The following GARRE1 variants were observed in gnomAD, a reference collection of about 807,000 sequenced individuals.
The protein encoded by GARRE1 is granule associated Rac and RHOG effector 1.
GARRE1 carries 49 observed loss-of-function variants against 103.2 expected under a neutral mutation model. That is an observed-to-expected ratio of 0.47 (90% CI 0.38 to 0.60). The LOEUF is 0.60. Among genes scored for constraint, GARRE1 ranks in the 20% least tolerant of loss-of-function variants. The pLI is 0.00. For synonymous variants in GARRE1, 505 were observed against 532.8 expected, an observed-to-expected ratio of 0.95 and a Z score of 0.72; for missense variants, 1,199 against 1,370.5, an observed-to-expected ratio of 0.87 and a Z score of 1.98.
At chr19:34,299,183 C>T (rs2073963914) in intron 1 of GARRE1, among the ~76,000 whole-genome samples, 1 of 152,166 alleles carries the variant, frequency 6.6e-6, no homozygotes, top group African/African-American at 2.4e-5. Context: ...TTGCACTTGT[C>T]CAAACCTATC....
intron 7 of GARRE1, 63 bp from the exon 8 acceptor site, chr19:34,333,641 C>G (rs1454090154): frequency 5.2e-6 from 5 of 956,648 alleles, no homozygotes; most frequent in African/African-American, 1.7e-5. Flanking sequence ...GGATTTTATT[C>G]TGATTTGTTT....
chr19:34,327,960 C>T (rs1377588627), intron 5 of GARRE1, 30 bp from the exon 6 acceptor site: 4 of 1,614,022 alleles, frequency 2.5e-6, no homozygotes, highest in South Asian at 1.1e-5. Flanking sequence ...CGATGGGTCA[C>T]CTCTCCTCTT....
intron 2 of GARRE1, among the ~76,000 whole-genome samples, chr19:34,319,642 G>C (rs552734404): frequency 6.6e-6 from 1 of 152,068 alleles, no homozygotes; most frequent in Non-Finnish European, 1.5e-5. Context: ...AGGATTGGGG[G>C]TTACTTGGTG....
intron 1 of GARRE1, among the ~76,000 whole-genome samples, chr19:34,290,256 T>C (rs1166485905): frequency 6.6e-6 from 1 of 151,952 alleles, no homozygotes; most frequent in Non-Finnish European, 1.5e-5. Context: ...CTCAGGAGGC[T>C]GAGGTGGGAG....
intron 1 of GARRE1, among the ~76,000 whole-genome samples, chr19:34,275,931 G>T (rs2073814627): frequency 6.6e-6 from 1 of 152,168 alleles, no homozygotes; most frequent in Non-Finnish European, 1.5e-5. Context: ...TTGCGAAGAG[G>T]TATCTCATTG....
chr19:34,255,091 G>A (rs1314578966), intron 1 of GARRE1, among the ~76,000 whole-genome samples: 2 of 152,026 alleles, frequency 1.3e-5, no homozygotes, highest in African/African-American at 2.4e-5. Flanking sequence ...CGGGGCTGCC[G>A]GGCGGGCTGC....
intron 12 of GARRE1, among the ~76,000 whole-genome samples, chr19:34,350,278 G>T (rs995881212): frequency 6.6e-6 from 1 of 152,160 alleles, no homozygotes; most frequent in Non-Finnish European, 1.5e-5. Flanking sequence ...AGGATGACAC[G>T]CAAGTTTTCT....
At chr19:34,304,361 G>C (rs1346223669) in intron 2 of GARRE1, among the ~76,000 whole-genome samples, 2 of 150,596 alleles carry the variant, frequency 1.3e-5, no homozygotes, top group African/African-American at 4.9e-5. Flanking sequence ...CACCGTGCTC[G>C]GCCATCTTTG....
Position 34,328,166 on chromosome 19 carries a change from G to C in GARRE1, c.1104+15G>C, listed in dbSNP as rs1396310275. On this transcript the variant is annotated intron_variant, in intron 6 of 13. Transcript: ENST00000299505. ...AACTTAAGACGGTAGCTTTCCATGG[G>C]GTTCCAGCAAATGAGTGTGAACTTG... 20 of 1,611,802 alleles carry C rather than the reference G, an allele frequency of 1.2e-5. No individual in the cohort carries two copies. The highest frequency in any genetic ancestry group is 1.5e-5 in the Non-Finnish European group (18 of 1,179,238).
intron 3 of GARRE1, among the ~76,000 whole-genome samples, chr19:34,326,528 T>C (rs947007498): frequency 6.6e-6 from 1 of 152,230 alleles, no homozygotes; most frequent in African/African-American, 2.4e-5. Flanking sequence ...TTATCTACTC[T>C]TCATAAACAT....
chr19:34,283,584 G>A (rs1374484324), intron 1 of GARRE1, among the ~76,000 whole-genome samples: 2 of 152,104 alleles, frequency 1.3e-5, no homozygotes, highest in Admixed American at 6.6e-5. Context: ...TTTTATAGAT[G>A]ATGAGACAGG....
At chr19:34,298,192 G>A (rs2073957261) in intron 1 of GARRE1, among the ~76,000 whole-genome samples, 1 of 152,138 alleles carries the variant, frequency 6.6e-6, no homozygotes, top group South Asian at 2.1e-4. Flanking sequence ...GAGGCGGGAG[G>A]ATCACTTGAG....
Position 34,333,694 on chromosome 19 carries a change from T to C in GARRE1, c.1264-10T>C, listed in dbSNP as rs1555710344. The C allele has an allele frequency of 2.1e-6, 3 of 1,398,168 alleles. No individual in the cohort carries two copies. In the South Asian group the frequency reaches 3.8e-5, roughly 17 times the overall value. 86.6% of individuals were successfully genotyped at this position (1,398,168 alleles called of 1,614,324 possible). A position where few individuals can be genotyped will look rare whatever the true frequency, so the allele number is the denominator to read the frequency against. Reference sequence around the variant, plus strand: ...TGTTATTTGTTTTTTTTTTTTTTTTTCGATCTTAGGTGGTGGTTGACACAG... The same window carrying C: ...TGTTATTTGTTTTTTTTTTTTTTTTCCGATCTTAGGTGGTGGTTGACACAG... On this transcript the variant is annotated splice_polypyrimidine_tract_variant and intron_variant, in intron 7 of 13. Coordinates refer to ENST00000299505, the MANE Select transcript of GARRE1 (RefSeq NM_014686.5).
intron 1 of GARRE1, among the ~76,000 whole-genome samples, chr19:34,295,755 T>C (rs1213566350): frequency 1.3e-5 from 2 of 152,130 alleles, no homozygotes; most frequent in Non-Finnish European, 2.9e-5. Context: ...AGTCTCAAAT[T>C]CCTGGCCTCA....
intron 1 of GARRE1, among the ~76,000 whole-genome samples, chr19:34,299,061 G>A (rs1032885197): frequency 1.1e-4 from 17 of 152,124 alleles, no homozygotes; most frequent in African/African-American, 4.1e-4. Context: ...CCCTTCTCCA[G>A]GCTCTGTTTC....
chr19:34,267,677 G>A (rs1449695521), intron 1 of GARRE1, among the ~76,000 whole-genome samples: 2 of 150,648 alleles, frequency 1.3e-5, no homozygotes, highest in Non-Finnish European at 2.9e-5. Context: ...GTACCACACT[G>A]TAACAAAAAT....
chr19:34,317,493 T>A (rs2074065374), intron 2 of GARRE1, among the ~76,000 whole-genome samples: 1 of 152,094 alleles, frequency 6.6e-6, no homozygotes, highest in African/African-American at 2.4e-5. Context: ...ATAGTTTGTG[T>A]CCCTGAGGAG....
chr19:34,269,858 T>A (rs2073775965), intron 1 of GARRE1, among the ~76,000 whole-genome samples: 1 of 152,224 alleles, frequency 6.6e-6, no homozygotes, highest in South Asian at 2.1e-4. Context: ...TGAACATGCT[T>A]TAGTATTAAT....
chr19:34,259,098 G>T (rs2073696645), intron 1 of GARRE1, among the ~76,000 whole-genome samples: 1 of 152,114 alleles, frequency 6.6e-6, no homozygotes, highest in Non-Finnish European at 1.5e-5. Flanking sequence ...AGCCTAGGAG[G>T]TTAAGGATTC....
Sources: gnomAD v4.1 joint callset for allele counts (sites outside exome capture counted in the v4.1 genomes callset) on GRCh38, gnomAD v4.1.1 for gene constraint, MANE v1.5 for transcripts, NCBI Gene and HGNC (gene_info 2026-07-23, HGNC 2026-07-21) for gene names.